TSHR: variants seen among roughly 807,000 people sequenced by gnomAD.
TSHR encodes thyrotropin receptor.
In TSHR, 51 loss-of-function variants were observed where a neutral mutation model predicts 64.1. The ratio of observed to expected loss-of-function variants is 0.80; its 90% CI spans 0.64 to 1.01. The LOEUF (loss-of-function observed/expected upper bound fraction) is 1.01, where lower values mean the gene tolerates loss of function less well. TSHR is among the 50% of genes least tolerant of loss of function. The pLI is 0.00. For missense variants in TSHR, 877 were observed against 942.8 expected (o/e 0.93, Z 0.91); for synonymous variants, 361 against 361.9 (o/e 1.00, Z 0.03).
rs183932655 is a variant in TSHR, at chr14:81,080,265, T to A, written c.318-7689T>A. On this transcript the variant is annotated intron_variant, in intron 3 of 9. Transcript: ENST00000298171. ...CCGCACCTGGCCTATGTGAGTTTTTTAAATCAAAAATAAGTGAAAAATTTT... is the reference window on the plus strand; with the variant it reads ...CCGCACCTGGCCTATGTGAGTTTTTAAAATCAAAAATAAGTGAAAAATTTT... Among the ~76,000 whole-genome samples the A allele has an allele frequency of 3.8e-3, 582 of 152,300 alleles. 4 individuals carry two copies. Among genetic ancestry groups the A allele is most frequent in the African/African-American group, 0.012 (519 of 41,560 alleles).
chr14:81,025,584 T>C (rs1160486536), intron 1 of TSHR, among the ~76,000 whole-genome samples: 1 of 152,162 alleles, frequency 6.6e-6, no homozygotes, highest in Non-Finnish European at 1.5e-5. Flanking sequence ...TAAAATATAA[T>C]AGACAATACA....
intron 1 of TSHR, among the ~76,000 whole-genome samples, chr14:80,986,970 A>G (rs1270135014): frequency 6.6e-6 from 1 of 152,236 alleles, no homozygotes. Context: ...TTGCTTCAGA[A>G]AGTACTTGAG....
intron 8 of TSHR, chr14:81,108,829 A>G (rs1890089572): frequency 2.0e-6 from 3 of 1,521,790 alleles, no homozygotes; most frequent in African/African-American, 1.4e-5. Context: ...CTGAATGTAC[A>G]TTGCACAATG....
At chr14:81,041,521 G>A (rs1305063285) in intron 1 of TSHR, among the ~76,000 whole-genome samples, 1 of 152,110 alleles carries the variant, frequency 6.6e-6, no homozygotes, top group African/African-American at 2.4e-5. Context: ...CCTATTGAAG[G>A]GTGGAAGGTG....
At chr14:81,104,582 A>T in intron 7 of TSHR, 1 of 985,432 alleles carries the variant, frequency 1.0e-6, no homozygotes, top group Non-Finnish European at 1.2e-6. Flanking sequence ...TCCTTCCTCC[A>T]GCAAGTCTTT....
intron 1 of TSHR, among the ~76,000 whole-genome samples, chr14:80,962,994 G>A (rs1219319528): frequency 6.6e-6 from 1 of 152,106 alleles, no homozygotes; most frequent in African/African-American, 2.4e-5. Context: ...CTCCCAGTGA[G>A]CACTATACAA....
chr14:81,011,780 G>A (rs1022646102), intron 1 of TSHR, among the ~76,000 whole-genome samples: 2 of 152,030 alleles, frequency 1.3e-5, no homozygotes, highest in Admixed American at 6.6e-5. Context: ...TGAGTTAAGT[G>A]TTTTCTCCTG....
At chr14:81,138,770 T>A (rs1821064768) in intron 8 of TSHR, among the ~76,000 whole-genome samples, 1 of 152,174 alleles carries the variant, frequency 6.6e-6, no homozygotes, top group South Asian at 2.1e-4. Flanking sequence ...TATTAAATAT[T>A]TTAAATGGAA....
At chr14:81,028,523 T>C (rs1440356464) in intron 1 of TSHR, among the ~76,000 whole-genome samples, 1 of 152,028 alleles carries the variant, frequency 6.6e-6, no homozygotes, top group African/African-American at 2.4e-5. Context: ...CTCCATCTAG[T>C]AGTAAGGGGT....
chr14:80,965,343 G>A (rs1357213540), intron 1 of TSHR, among the ~76,000 whole-genome samples: 2 of 152,112 alleles, frequency 1.3e-5, no homozygotes, highest in Admixed American at 6.5e-5. Context: ...AGTTGATCAC[G>A]ACCCTCACTC....
rs773757026 is a variant in TSHR at position 81,092,558 on chromosome 14, G to T, written c.495G>T (p.Thr165=). 6 of 1,613,842 alleles carry T rather than the reference G, an allele frequency of 3.7e-6. No individual in the cohort carries two copies. The highest frequency in any genetic ancestry group is 1.7e-5 in the Admixed American group (1 of 59,982). ...AAATTACAGACAACCCTTACATGAC[G>T]TCAATCCCTGTGAATGCTTTTCAGG... is the stretch of plus-strand genomic sequence containing the variant. ...ILEITDNPYM[T]SIPVNAFQGL... is the part of the protein sequence containing the mutation. The change falls in exon 6 of 10, where the codon ACG becomes ACT. Residue 165 remains threonine (T), a synonymous_variant. Coordinates refer to ENST00000298171, the MANE Select transcript of TSHR (RefSeq NM_000369.5).
At chr14:81,023,177 T>C (rs117570666) in intron 1 of TSHR, among the ~76,000 whole-genome samples, 1,800 of 152,328 alleles carry the variant, frequency 0.012, 20 homozygotes, top group African/African-American at 0.016. Flanking sequence ...CTGAATAGGC[T>C]ATAAATGGAA....
At chr14:80,985,688 A>G (rs1404574343) in intron 1 of TSHR, among the ~76,000 whole-genome samples, 2 of 152,230 alleles carry the variant, frequency 1.3e-5, no homozygotes, top group African/African-American at 4.8e-5. Flanking sequence ...GTTTTCTGAC[A>G]GTTAAGAAAC....
chr14:81,011,249 A>C (rs1470891139), intron 1 of TSHR, among the ~76,000 whole-genome samples: 1 of 151,946 alleles, frequency 6.6e-6, no homozygotes, highest in East Asian at 1.9e-4. Context: ...TTGATTAAGA[A>C]AAAAAGTATC....
chr14:80,992,982 C>T (rs950471261), intron 1 of TSHR: 2 of 152,288 alleles, frequency 1.3e-5, no homozygotes, highest in South Asian at 4.1e-4. Flanking sequence ...AATTGATAAA[C>T]TAGAGTAAAT....
At chr14:81,106,231 G>C (rs1022695366) in intron 7 of TSHR, among the ~76,000 whole-genome samples, 1 of 152,176 alleles carries the variant, frequency 6.6e-6, no homozygotes, top group Non-Finnish European at 1.5e-5. Context: ...ATACCCTTGA[G>C]GTGTTTGTAA....
chr14:80,972,742 C>T (rs552641531), intron 1 of TSHR, among the ~76,000 whole-genome samples: 2 of 152,242 alleles, frequency 1.3e-5, no homozygotes, highest in South Asian at 2.1e-4. Flanking sequence ...AAGGGGAGCT[C>T]GTGCCGATTA....
intron 1 of TSHR, among the ~76,000 whole-genome samples, chr14:80,977,662 A>G (rs1285035773): frequency 6.6e-6 from 1 of 152,174 alleles, no homozygotes; most frequent in Non-Finnish European, 1.5e-5. Context: ...AACACAATAG[A>G]GTCTATGAGA....
At chr14:80,971,072 C>T (rs771494143) in intron 1 of TSHR, among the ~76,000 whole-genome samples, 6 of 152,162 alleles carry the variant, frequency 3.9e-5, no homozygotes, top group South Asian at 2.1e-4. Context: ...GACCCACCCA[C>T]CTCGGCCTCC....
Sources: gnomAD v4.1 joint callset for allele counts (sites outside exome capture counted in the v4.1 genomes callset) on GRCh38, gnomAD v4.1.1 for gene constraint, MANE v1.5 for transcripts, NCBI Gene and HGNC (gene_info 2026-07-23, HGNC 2026-07-21) for gene names.